The following ERN1 variants were observed in gnomAD, a reference collection of about 807,000 sequenced individuals.
The protein encoded by ERN1 is serine/threonine-protein kinase/endoribonuclease IRE1.
A neutral mutation model predicts 113.1 loss-of-function variants in ERN1; 39 were observed. The observed-to-expected ratio is 0.34, with a 90% confidence interval of 0.27 to 0.45. ERN1 has a LOEUF of 0.45. Ranked by LOEUF, ERN1 falls within the 20% of genes least tolerant of loss-of-function variation. The pLI is 1.00. For synonymous variants in ERN1, 507 were observed against 515.9 expected (o/e 0.98, Z 0.23); for missense variants, 976 against 1,274.8 (o/e 0.77, Z 3.57).
Position 64,066,787 on chromosome 17 carries a change from G to A in ERN1, c.726C>T (p.His242=), listed in dbSNP as rs1913242056. ...GCAGGGTCTCCACAGCGACATTGAT[G>A]TGCATCACCTTCCTCAGACCCTCCC... ...WQREGLRKVM[H]INVAVETLRY... is the part of the protein sequence containing the mutation. Residue 242 remains histidine, a synonymous_variant, in exon 8 of 22, where the codon CAC becomes CAT. Coordinates refer to ENST00000433197, the MANE Select transcript of ERN1 (RefSeq NM_001433.5). The A allele has an allele frequency of 1.2e-6, 2 of 1,613,826 alleles. No homozygotes were observed. Among genetic ancestry groups the A allele is most frequent in the Admixed American group, 1.7e-5 (1 of 60,002 alleles).
At chr17:64,090,755 T>C (rs1166881753) in intron 2 of ERN1, among the ~76,000 whole-genome samples, 1 of 152,134 alleles carries the variant, frequency 6.6e-6, no homozygotes, top group Non-Finnish European at 1.5e-5. Flanking sequence ...TTGAAGCAAG[T>C]CCCAAAAATA....
intron 10 of ERN1, among the ~76,000 whole-genome samples, chr17:64,061,988 T>A (rs1460905213): frequency 6.6e-6 from 1 of 152,238 alleles, no homozygotes; most frequent in South Asian, 2.1e-4. Flanking sequence ...AGGCTTCTCC[T>A]GGAGCTGGGC....
chr17:64,053,793 G>C (rs1221262329), intron 15 of ERN1, among the ~76,000 whole-genome samples: 2 of 152,166 alleles, frequency 1.3e-5, no homozygotes, highest in Non-Finnish European at 2.9e-5. Flanking sequence ...CCAACTGCAA[G>C]CAGACTGCCC....
chr17:64,119,836 T>G (rs1914911208), intron 1 of ERN1, among the ~76,000 whole-genome samples: 2 of 152,114 alleles, frequency 1.3e-5, no homozygotes, highest in African/African-American at 4.8e-5. Flanking sequence ...GGAGATGCAT[T>G]TGTTCTTTCC....
intron 4 of ERN1, among the ~76,000 whole-genome samples, chr17:64,077,891 G>A (rs575256300): frequency 6.6e-6 from 1 of 151,998 alleles, no homozygotes; most frequent in Non-Finnish European, 1.5e-5. Context: ...GACTATAGGC[G>A]CCCGCCACCG....
intron 5 of ERN1, among the ~76,000 whole-genome samples, chr17:64,072,492 T>C (rs560003961): frequency 2.4e-4 from 37 of 152,368 alleles, no homozygotes; most frequent in Non-Finnish European, 4.3e-4. Context: ...CAGGGGTTCA[T>C]CTCCCTAATA....
At chr17:64,103,101 C>A in intron 1 of ERN1, 1 of 261,694 alleles carries the variant, frequency 3.8e-6, no homozygotes, top group South Asian at 1.4e-4. Context: ...GTATAAGGGT[C>A]CTCACTGCAG....
At position 64,054,786 on chromosome 17, in the gene ERN1, C is replaced by A. The variant is rs1462937780; in HGVS notation, c.1715G>T (p.Cys572Phe). ...TCCATGGCCCAGGACATCCTTGGGA[C>A]AGAAGGAAATTTTCCCAACTATCAC... ...SVVIVGKISFCPKDVLGHGAE... is the reference protein window; with the variant it reads ...SVVIVGKISFFPKDVLGHGAE... Residue 572 changes from cysteine (C) to phenylalanine (F), a missense_variant, in exon 14 of 22, where the codon TGT (cysteine) becomes TTT (phenylalanine). By Grantham distance (205) the Cys-to-Phe change is radical. Transcript: ENST00000433197. The surrounding 1 kb of genome is among the most constrained non-coding windows in gnomAD (Gnocchi z 4.9). 3.1e-6 allele frequency: 5 copies of A among 1,610,468 alleles called. No homozygotes were observed. In the African/African-American group the frequency reaches 6.7e-5, roughly 22 times the overall value.
intron 11 of ERN1, among the ~76,000 whole-genome samples, chr17:64,059,918 T>C (rs1912999322): frequency 6.7e-6 from 1 of 148,966 alleles, no homozygotes; most frequent in Admixed American, 6.8e-5. Flanking sequence ...CTCAAACTCC[T>C]GGGCTCAAGC....
chr17:64,071,932 G>A (rs1392490462), intron 6 of ERN1, 49 bp downstream of exon 6: 4 of 1,546,674 alleles, frequency 2.6e-6, no homozygotes, highest in South Asian at 1.2e-5. Flanking sequence ...AGCTTCTTCC[G>A]ATCTTCTGGA....
intron 2 of ERN1, among the ~76,000 whole-genome samples, chr17:64,085,349 G>A (rs1913891994): frequency 6.6e-6 from 1 of 152,210 alleles, no homozygotes; most frequent in Non-Finnish European, 1.5e-5. Flanking sequence ...GGGAACCGGA[G>A]TGTACAGAGC....
chr17:64,101,286 G>A (rs1214984097), intron 1 of ERN1, among the ~76,000 whole-genome samples: 1 of 152,094 alleles, frequency 6.6e-6, no homozygotes, highest in East Asian at 1.9e-4. Flanking sequence ...GTGGGTGCCT[G>A]TAATCCCAGC....
At chr17:64,076,979 G>A (rs577173730) in intron 4 of ERN1, among the ~76,000 whole-genome samples, 2 of 152,208 alleles carry the variant, frequency 1.3e-5, no homozygotes, top group African/African-American at 2.4e-5. Flanking sequence ...CCTCTAAAAC[G>A]GGGATATCAC....
In ERN1 at chr17:64,064,001, A is replaced by G; in HGVS notation, c.1072T>C (p.Tyr358His). ...CTGCTCTTACCTATCAGAAGCCAGTAATTCCTCAAGTAGTTGAGCTTGTTC... is the reference window on the plus strand; with the variant it reads ...CTGCTCTTACCTATCAGAAGCCAGTGATTCCTCAAGTAGTTGAGCTTGTTC... ...SKNKLNYLRN[Y>H]WLLIGHHETP... The change falls in exon 10 of 22, where the codon TAC becomes CAC. Residue 358 changes from tyrosine to histidine, a missense_variant. Tyr to His is a moderately conservative substitution (Grantham distance 83, BLOSUM62 2). This residue lies in a region of ERN1 where 459 missense variants were observed against 581.2 expected (regional missense o/e 0.79). Transcript: ENST00000433197. 4.3e-6 allele frequency: 7 copies of G among 1,613,976 alleles called. No individual in the cohort carries two copies. Among genetic ancestry groups the G allele is most frequent in the Non-Finnish European group, 5.9e-6 (7 of 1,179,876 alleles).
chr17:64,059,583 C>A (rs952487256), intron 11 of ERN1, among the ~76,000 whole-genome samples: 3 of 152,232 alleles, frequency 2.0e-5, no homozygotes, highest in African/African-American at 7.2e-5. Context: ...ATGGCTTCCC[C>A]AACCCCCTGG....
In ERN1 at chr17:64,080,953, T is replaced by C. The variant is rs534795452; in HGVS notation, c.176-145A>G. 1.7e-5 allele frequency: 12 copies of C among 687,432 alleles called. 1 individual carries two copies. The highest frequency in any genetic ancestry group is 1.2e-4 in the South Asian group (7 of 56,276). The allele number at this position is 687,432 out of a possible 1,614,324, so 42.6% of individuals were successfully genotyped here. On this transcript the variant is annotated intron_variant, in intron 2 of 21. Transcript: ENST00000433197. ...CATGGGCTAGTGCACGTGAAGGTTA[T>C]ATGCATTTTTGTATCACCGTGCATA... is the stretch of plus-strand genomic sequence containing the variant.
At position 64,044,575 on chromosome 17, in the gene ERN1, T is replaced by C. The variant is rs1843454377; in HGVS notation, c.2721+285A>G. Among the ~76,000 whole-genome samples the C allele has an allele frequency of 6.6e-6, 1 of 152,174 alleles. No individual in the cohort carries two copies. Among genetic ancestry groups the C allele is most frequent in the Non-Finnish European group, 1.5e-5 (1 of 68,040 alleles). The stretch of plus-strand genomic sequence containing the variant: ...TACATGTTTACACACAGTGGCTGCA[T>C]CAGACAGGGAGAGGGCCCCACAAAA... On this transcript the variant is annotated intron_variant, in intron 21 of 21. Transcript: ENST00000433197. This position sits in a 1 kb window ranked among gnomAD's most constrained non-coding sequence, Gnocchi z 4.1.
At chr17:64,116,611 C>T (rs1914809140) in intron 1 of ERN1, among the ~76,000 whole-genome samples, 1 of 151,048 alleles carries the variant, frequency 6.6e-6, no homozygotes, top group Admixed American at 6.6e-5. Context: ...AATACTCCTA[C>T]AATGGAAAAA....
At position 64,075,250 on chromosome 17, in the gene ERN1, TTA is replaced by T; in HGVS notation, c.283-5_283-4del. On this transcript the variant is annotated splice_polypyrimidine_tract_variant and splice_region_variant and intron_variant, in intron 4 of 21. Transcript: ENST00000433197. ...TCTGGGATGGTAAAAGGAAGTTTCT[TTA>T]AAAAAAAAAAAAAAGAAAAAAAAAA... 8.6e-7 allele frequency: 1 copy of T among 1,167,158 alleles called. No homozygotes were observed. The highest frequency in any genetic ancestry group is 1.1e-6 in the Non-Finnish European group (1 of 897,820). 72.3% of individuals were successfully genotyped at this position (1,167,158 alleles called of 1,614,324 possible). A position where few individuals can be genotyped will look rare whatever the true frequency, so the allele number is the denominator to read the frequency against.
Sources: gnomAD v4.1 joint callset for allele counts (sites outside exome capture counted in the v4.1 genomes callset) on GRCh38, gnomAD v4.1.1 for gene constraint, gnomAD v4.1.1 regional missense constraint, Gnocchi (gnomAD v3.1) non-coding constraint, MANE v1.5 for transcripts, NCBI Gene and HGNC (gene_info 2026-07-23, HGNC 2026-07-21) for gene names.